DOCK9: variants seen among roughly 807,000 people sequenced by gnomAD.
The protein encoded by DOCK9 is dedicator of cytokinesis 9, also known as dedicator of cytokinesis protein 9.
In DOCK9, 89 loss-of-function variants were observed where a neutral mutation model predicts 263.3. That is an observed-to-expected ratio of 0.34 (90% confidence interval 0.28 to 0.40). The LOEUF (loss-of-function observed/expected upper bound fraction) is 0.40. DOCK9 is among the 10% of genes least tolerant of loss of function. DOCK9 has a pLI of 1.00. For synonymous variants in DOCK9, 976 were observed against 973.1 expected, an observed-to-expected ratio of 1.00 and a Z score of -0.06; for missense variants, 2,140 against 2,603.4, an observed-to-expected ratio of 0.82 and a Z score of 3.87.
chr13:98,837,140 G>A (rs1048815579), intron 39 of DOCK9, among the ~76,000 whole-genome samples: 8 of 152,084 alleles, frequency 5.3e-5, no homozygotes, highest in African/African-American at 1.7e-4. Context: ...CTAATTAAAC[G>A]CTATAACATT....
chr13:98,991,820 G>A (rs1011317758), intron 1 of DOCK9, among the ~76,000 whole-genome samples: 2 of 151,860 alleles, frequency 1.3e-5, no homozygotes, highest in Non-Finnish European at 1.5e-5. Context: ...ACGTCACTAG[G>A]TTCTGGCCCA....
intron 46 of DOCK9, 116 bp from the exon 47 acceptor site, chr13:98,809,581 A>G: frequency 1.2e-6 from 1 of 823,240 alleles, no homozygotes. Flanking sequence ...AAATACACAC[A>G]CACACATTTT....
intron 38 of DOCK9, chr13:98,845,437 T>C (rs545473239): frequency 1.2e-5 from 14 of 1,151,150 alleles, no homozygotes; most frequent in Admixed American, 2.7e-5. Context: ...AATTGATTCA[T>C]GGGCTTTATG....
intron 1 of DOCK9, among the ~76,000 whole-genome samples, chr13:99,044,474 C>T (rs1888765061): frequency 6.6e-6 from 1 of 152,156 alleles, no homozygotes. Context: ...CCTGGCTGAG[C>T]ACCCCAGTCA....
intron 30 of DOCK9, among the ~76,000 whole-genome samples, chr13:98,864,669 T>C (rs1406598759): frequency 1.3e-5 from 2 of 152,168 alleles, no homozygotes; most frequent in Non-Finnish European, 2.9e-5. Flanking sequence ...TGCTCACACA[T>C]CTATGGTTGT....
chr13:98,813,678 T>A (rs527921890), intron 45 of DOCK9, among the ~76,000 whole-genome samples: 1 of 152,276 alleles, frequency 6.6e-6, no homozygotes, highest in African/African-American at 2.4e-5. Context: ...CCACTCTTGT[T>A]GCCCAGGCTG....
chr13:98,898,043 A>C, intron 14 of DOCK9, 136 bp downstream of exon 14: 1 of 669,014 alleles, frequency 1.5e-6, no homozygotes, highest in Non-Finnish European at 2.5e-6. Flanking sequence ...TGATTTTTTC[A>C]AAATCTGGGC....
intron 1 of DOCK9, among the ~76,000 whole-genome samples, chr13:98,993,969 T>C (rs1247191298): frequency 2.0e-5 from 3 of 152,210 alleles, no homozygotes; most frequent in African/African-American, 4.8e-5. Flanking sequence ...CATCAAGTTG[T>C]AATGTGAGAT....
chr13:98,930,236 C>A lies in DOCK9; in HGVS notation c.265G>T (p.Gly89Cys). Residue 89 changes from glycine (G) to cysteine (C), a missense_variant, in exon 3 of 53, where the codon GGT (glycine) becomes TGT (cysteine). Coordinates refer to ENST00000682017, the MANE Select transcript of DOCK9 (RefSeq NM_001366683.2). ...GGCACTGTTGAGCATATGTATCGACCCTGTCGTCTCAGGATGGCCGTCTGG... is the reference window on the plus strand; with the variant it reads ...GGCACTGTTGAGCATATGTATCGACACTGTCGTCTCAGGATGGCCGTCTGG... The part of the protein sequence containing the change: ...DFQTAILRRQ[G>C]RYICSTVPAK... The A allele has an allele frequency of 1.2e-6, 2 of 1,611,166 alleles. No individual in the cohort carries two copies. The highest frequency in any genetic ancestry group is 1.7e-6 in the Non-Finnish European group (2 of 1,178,726).
intron 2 of DOCK9, among the ~76,000 whole-genome samples, chr13:98,930,458 C>T (rs368342025): frequency 2.6e-5 from 4 of 152,332 alleles, no homozygotes; most frequent in East Asian, 3.9e-4. Flanking sequence ...GGCTGGGTTA[C>T]AGCTCCTGCT....
At chr13:99,002,203 G>A (rs555637333) in intron 1 of DOCK9, among the ~76,000 whole-genome samples, 6 of 152,120 alleles carry the variant, frequency 3.9e-5, no homozygotes, top group Non-Finnish European at 8.8e-5. Flanking sequence ...GGGTTTGTGT[G>A]GGGGATCAGA....
chr13:98,902,943 T>C, intron 11 of DOCK9, 29 bp downstream of exon 11: 1 of 1,459,118 alleles, frequency 6.9e-7, no homozygotes, highest in South Asian at 1.4e-5. Flanking sequence ...ATTTTTTTTT[T>C]AATGTTTATT....
Position 98,853,400 on chromosome 13 carries a change from TAACCTACCA to T in DOCK9, c.3945_3946+7del. On this transcript the variant is annotated splice_donor_variant and splice_donor_5th_base_variant and coding_sequence_variant and intron_variant, in exon 35 of 53. Coordinates refer to ENST00000682017, the MANE Select transcript of DOCK9 (RefSeq NM_001366683.2). LOFTEE classifies it high-confidence loss of function. Reference sequence around the variant, plus strand: ...GAGCAAAACAGAAATCTCCATTTTTTAACCTACCATCAGACATGCTCTTTAAGATGTAGA... The same window carrying T: ...GAGCAAAACAGAAATCTCCATTTTTTTCAGACATGCTCTTTAAGATGTAGA... 1 of 1,575,588 alleles carries T rather than the reference TAACCTACCA, an allele frequency of 6.3e-7. No individual in the cohort carries two copies. Among genetic ancestry groups the T allele is most frequent in the Middle Eastern group, 1.7e-4 (1 of 5,974 alleles).
chr13:99,072,765 C>T (rs1179059984), intron 1 of DOCK9, among the ~76,000 whole-genome samples: 1 of 152,048 alleles, frequency 6.6e-6, no homozygotes, highest in Non-Finnish European at 1.5e-5. Context: ...CTTGGGACGC[C>T]GAGGCAGGAA....
At chr13:98,899,214 T>G (rs554912387) in intron 13 of DOCK9, among the ~76,000 whole-genome samples, 1 of 152,216 alleles carries the variant, frequency 6.6e-6, no homozygotes, top group African/African-American at 2.4e-5. Flanking sequence ...GATCAGAACG[T>G]GCGTTCTGAC....
chr13:99,017,517 C>T (rs1201624878), intron 1 of DOCK9, among the ~76,000 whole-genome samples: 1 of 152,134 alleles, frequency 6.6e-6, no homozygotes, highest in Non-Finnish European at 1.5e-5. Context: ...ATTTGAGATA[C>T]AAAAGATTAC....
chr13:98,841,209 CG>C (rs1453901765), intron 38 of DOCK9, among the ~76,000 whole-genome samples: 1 of 152,158 alleles, frequency 6.6e-6, no homozygotes, highest in Non-Finnish European at 1.5e-5. Flanking sequence ...TGTGGAGACA[CG>C]GGCTGTAATC....
chr13:98,965,835 G>C (rs2059133310), intron 1 of DOCK9, among the ~76,000 whole-genome samples: 1 of 152,184 alleles, frequency 6.6e-6, no homozygotes, highest in South Asian at 2.1e-4. Context: ...CCAGTGTGGT[G>C]TTATCCTAAG....
intron 39 of DOCK9, 83 bp downstream of exon 39, chr13:98,837,411 G>GT: frequency 2.2e-6 from 2 of 891,468 alleles, no homozygotes; most frequent in South Asian, 1.5e-5. Flanking sequence ...ATGCAACATA[G>GT]TAAGTTTGTG....
Sources: allele counts gnomAD v4.1 joint callset (sites outside exome capture counted in the v4.1 genomes callset), GRCh38; gene constraint gnomAD v4.1.1; transcripts MANE v1.5; gene names NCBI Gene and HGNC (gene_info 2026-07-23, HGNC 2026-07-21).